The following KIRREL2 variants were observed in gnomAD, a reference collection of about 807,000 sequenced individuals.
KIRREL2 encodes the protein kirre like nephrin family adhesion molecule 2, also known as kin of IRRE-like protein 2.
KIRREL2 carries 56 observed loss-of-function variants against 73.4 expected under a neutral mutation model. The observed-to-expected ratio is 0.76, with a 90% CI of 0.62 to 0.95. The LOEUF is 0.95. KIRREL2 is among the 40% of genes least tolerant of loss of function. The pLI is 0.00. For missense variants in KIRREL2, 896 were observed against 935.0 expected, an observed-to-expected ratio of 0.96 and a Z score of 0.54; for synonymous variants, 407 against 404.0, an observed-to-expected ratio of 1.01 and a Z score of -0.09.
chr19:35,866,258 T>C lies in KIRREL2; in HGVS notation c.1893T>C (p.Leu631=), dbSNP rs1178274663. ...GGLFLPPPSP[L]GPPGTPTFYD... ...TCTTCCTGCCACCACCCTCCCCCCT[T>C]GGGCCCCCAGGGACCCCTACCTTCT... Residue 631 remains leucine, a synonymous_variant, in exon 15 of 15, where the codon CTT becomes CTC. Coordinates refer to ENST00000360202, the MANE Select transcript of KIRREL2 (RefSeq NM_199180.4). The C allele has an allele frequency of 6.2e-7, 1 of 1,607,396 alleles. No individual in the cohort carries two copies. The highest frequency in any genetic ancestry group is 8.5e-7 in the Non-Finnish European group (1 of 1,174,252).
chr19:35,866,035 G>A, intron 14 of KIRREL2, 122 bp from the exon 15 acceptor site: 2 of 889,078 alleles, frequency 2.2e-6, no homozygotes, highest in Non-Finnish European at 3.5e-6. Flanking sequence ...CTGTGTCTCT[G>A]CCCACTCCTG....
chr19:35,860,174 C>T (rs1973601369), intron 5 of KIRREL2, 123 bp from the exon 6 acceptor site: 2 of 745,652 alleles, frequency 2.7e-6, no homozygotes, highest in Admixed American at 2.8e-5. Context: ...ACTCCTGGCT[C>T]AAAGGGAGAA....
In KIRREL2 at chr19:35,861,982, CG is replaced by C; in HGVS notation, c.1470del (p.Leu491TrpfsTer21). 1 of 1,612,622 alleles carries C rather than the reference CG, an allele frequency of 6.2e-7. No individual in the cohort carries two copies. The highest frequency in any genetic ancestry group is 8.5e-7 in the Non-Finnish European group (1 of 1,179,524). ...GAGCTTTAACTGCAGTGCCCGGAAC[CG>C]GCTGGGCGAGGGAGGTGCCCAGGCC... ...SRSFNCSARN[R>X]LGEGGAQASL... is the part of the protein sequence containing the mutation. On this transcript the variant is annotated frameshift_variant, in exon 11 of 15. Coordinates refer to ENST00000360202, the MANE Select transcript of KIRREL2 (RefSeq NM_199180.4). LOFTEE classifies it high-confidence loss of function.
Position 35,860,902 on chromosome 19 carries a change from C to A in KIRREL2, c.929-7C>A. ...CGGCCATGTGACCCCTAGTCTCTTT[C>A]GTCCAGTTGGGCCGATTCTGCAGGC... On this transcript the variant is annotated splice_polypyrimidine_tract_variant and splice_region_variant and intron_variant, in intron 7 of 14. Coordinates refer to ENST00000360202, the MANE Select transcript of KIRREL2 (RefSeq NM_199180.4). The A allele has an allele frequency of 6.2e-7, 1 of 1,613,630 alleles. No homozygotes were observed. The highest frequency in any genetic ancestry group is 1.1e-5 in the South Asian group (1 of 91,040).
Position 35,861,521 on chromosome 19 carries a change from A to T in KIRREL2, c.1190-20A>T. The T allele has an allele frequency of 6.2e-7, 1 of 1,611,222 alleles. No individual in the cohort carries two copies. Among genetic ancestry groups the T allele is most frequent in the South Asian group, 1.1e-5 (1 of 90,994 alleles). Reference sequence around the variant, plus strand: ...GAGGGCAAGACCTCTCCTCTGAGTGACCTACAGTCTCCATCCCAGCTCCCC... The same window carrying T: ...GAGGGCAAGACCTCTCCTCTGAGTGTCCTACAGTCTCCATCCCAGCTCCCC... On this transcript the variant is annotated intron_variant, in intron 9 of 14. Coordinates refer to ENST00000360202, the MANE Select transcript of KIRREL2 (RefSeq NM_199180.4).
chr19:35,858,415 C>T lies in KIRREL2; in HGVS notation c.219C>T (p.Ser73=), dbSNP rs761157378. The T allele has an allele frequency of 1.8e-5, 29 of 1,613,652 alleles. No individual in the cohort carries two copies. The Admixed American group carries it at 3.8e-4, about 21-fold the overall frequency. The change falls in exon 3 of 15, where the codon TCC becomes TCT. Residue 73 remains serine, a synonymous_variant. Transcript: ENST00000360202. ...LGGQRDLPGW[S]RYWISGNAAN... ...CCTTCTCCCTGACTCCAGGGTGGTC[C>T]CGGTACTGGATATCAGGGAATGCAG...
intron 2 of KIRREL2, 116 bp from the exon 3 acceptor site, chr19:35,858,292 A>T: frequency 8.2e-7 from 1 of 1,223,774 alleles, no homozygotes; most frequent in Non-Finnish European, 1.2e-6. Flanking sequence ...ACTTTTTAAT[A>T]GTGTCTTACC....
chr19:35,855,656 T>TACACAC (rs57458964), upstream of KIRREL2, among the ~76,000 whole-genome samples: 2,536 of 84,888 alleles, frequency 0.03, 116 homozygotes, highest in Non-Finnish European at 0.042. Context: ...CACCTCCCCA[T>TACACAC]ACACACACAC....
At chr19:35,854,728 T>C (rs1973367430), upstream of KIRREL2, among the ~76,000 whole-genome samples, 1 of 151,860 alleles carries the variant, frequency 6.6e-6, no homozygotes, top group Admixed American at 6.6e-5. Flanking sequence ...TCCATCTCTA[T>C]ATGTCTCTGT....
chr19:35,853,529 A>C (rs1973333136), upstream of KIRREL2, among the ~76,000 whole-genome samples: 1 of 151,940 alleles, frequency 6.6e-6, no homozygotes, highest in Admixed American at 6.6e-5. Flanking sequence ...TTTGAGATGG[A>C]ATCTTGCTCT....
At chr19:35,852,072 T>TTTTTTTC, upstream of KIRREL2, among the ~76,000 whole-genome samples, 1 of 151,568 alleles carries the variant, frequency 6.6e-6, no homozygotes, top group Admixed American at 6.6e-5. Context: ...TAAAAAAACT[T>TTTTTTTC]TTTTTTCTTT....
At position 35,861,837 on chromosome 19, in the gene KIRREL2, G is replaced by C; in HGVS notation, c.1323G>C (p.Ala441=). The C allele has an allele frequency of 6.3e-7, 1 of 1,586,830 alleles. No individual in the cohort carries two copies. The highest frequency in any genetic ancestry group is 8.6e-7 in the Non-Finnish European group (1 of 1,166,486). ...VWSWDEGFLE[A]GSQGRFLVET... is the part of the protein sequence containing the mutation. ...CTTGGGATGAGGGCTTCCTGGAGGC[G>C]GGGTCGCAGGGCCGGTTCCTGGTGG... is the stretch of plus-strand genomic sequence containing the variant. The change falls in exon 11 of 15, where the codon GCG becomes GCC. Residue 441 remains alanine, a synonymous_variant. Coordinates refer to ENST00000360202, the MANE Select transcript of KIRREL2 (RefSeq NM_199180.4).
At chr19:35,862,649 C>T in intron 12 of KIRREL2, 52 bp downstream of exon 12, 1 of 1,366,670 alleles carries the variant, frequency 7.3e-7, no homozygotes. Flanking sequence ...CCACACGCGC[C>T]CTGCCTGCCC....
At chr19:35,855,892 C>T (rs1331188982), upstream of KIRREL2, 1 of 152,170 alleles carries the variant, frequency 6.6e-6, no homozygotes, top group African/African-American at 2.4e-5. Flanking sequence ...TCTCCAGCCT[C>T]TCAAGGAACC....
chr19:35,862,212 T>A (rs1973725137), intron 11 of KIRREL2, among the ~76,000 whole-genome samples, 188 bp downstream of exon 11: 1 of 152,136 alleles, frequency 6.6e-6, no homozygotes, highest in Non-Finnish European at 1.5e-5. Context: ...CTTCACATTC[T>A]GAATCCTAAA....
Position 35,860,389 on chromosome 19 carries a change from G to T in KIRREL2, c.766G>T (p.Val256Phe), listed in dbSNP as rs1157672613. 1 of 1,613,308 alleles carries T rather than the reference G, an allele frequency of 6.2e-7. No individual in the cohort carries two copies. Among genetic ancestry groups the T allele is most frequent in the Non-Finnish European group, 8.5e-7 (1 of 1,179,984 alleles). Residue 256 changes from valine to phenylalanine, a missense_variant, in exon 6 of 15, where the codon GTC becomes TTC. Coordinates refer to ENST00000360202, the MANE Select transcript of KIRREL2 (RefSeq NM_199180.4). ...FLCQATAQPPVTGYRWAKGGS... is the reference protein window; with the variant it reads ...FLCQATAQPPFTGYRWAKGGS... ...GTGCCAGGCCACAGCCCAGCCTCCTGTCACAGGCTACAGGTGAGGACGAAG... is the reference window on the plus strand; with the variant it reads ...GTGCCAGGCCACAGCCCAGCCTCCTTTCACAGGCTACAGGTGAGGACGAAG...
In KIRREL2 at chr19:35,862,589, A is replaced by T. The variant is rs1293434521; in HGVS notation, c.1607A>T (p.His536Leu). The T allele has an allele frequency of 1.2e-6, 2 of 1,606,462 alleles. No individual in the cohort carries two copies. The highest frequency in any genetic ancestry group is 3.3e-5 in the Admixed American group (2 of 60,026). Residue 536 changes from histidine to leucine, a missense_variant, in exon 12 of 15, where the codon CAC becomes CTC. His to Leu is a moderately conservative substitution (Grantham distance 99). Coordinates refer to ENST00000360202, the MANE Select transcript of KIRREL2 (RefSeq NM_199180.4). Reference sequence around the variant, plus strand: ...GGGGTGGCCCTCTGCTGCTGGCGCCACAGCAAGGGTTAGTGCCTGAGCCCC... The same window carrying T: ...GGGGTGGCCCTCTGCTGCTGGCGCCTCAGCAAGGGTTAGTGCCTGAGCCCC... ...ITGVALCCWR[H>L]SKASASFSEQ...
At chr19:35,858,649 T>C (rs551472506) in intron 3 of KIRREL2, 55 bp from the exon 4 acceptor site, 4 of 1,608,896 alleles carry the variant, frequency 2.5e-6, no homozygotes, top group African/African-American at 2.7e-5. Flanking sequence ...AGGGGCATGG[T>C]CAATTGGAGC....
At chr19:35,864,524 C>T (rs549241567) in intron 13 of KIRREL2, 124 bp from the exon 14 acceptor site, 305 of 711,602 alleles carry the variant, frequency 4.3e-4, no homozygotes, top group Middle Eastern at 7.4e-4. Context: ...GTGCAGTCCC[C>T]AGCTCTTGGG....
Sources: allele counts gnomAD v4.1 joint callset (sites outside exome capture counted in the v4.1 genomes callset), GRCh38; gene constraint gnomAD v4.1.1; transcripts MANE v1.5; gene names NCBI Gene and HGNC (gene_info 2026-07-23, HGNC 2026-07-21).